KAZN: variants seen among roughly 807,000 people sequenced by gnomAD.
KAZN encodes kazrin, periplakin interacting protein, also known as kazrin.
In KAZN, 40 loss-of-function variants were observed where a neutral mutation model predicts 87.4. That is an observed-to-expected ratio of 0.46 (90% confidence interval 0.36 to 0.60). The LOEUF is 0.60. Ranked by LOEUF, KAZN falls within the 20% of genes least tolerant of loss-of-function variation. The probability of loss-of-function intolerance (pLI) is 0.00; values close to 1 mark genes in which losing one functional copy is unlikely to be tolerated. For missense variants in KAZN, 898 were observed against 1,073.9 expected, an observed-to-expected ratio of 0.84 and a Z score of 2.29; for synonymous variants, 466 against 458.3, an observed-to-expected ratio of 1.02 and a Z score of -0.22.
At chr1:14,774,617 T>G (rs1318924457) in intron 1 of KAZN, among the ~76,000 whole-genome samples, 2 of 152,132 alleles carry the variant, frequency 1.3e-5, no homozygotes, top group African/African-American at 4.8e-5. Flanking sequence ...ACTACAGGCA[T>G]GCATCACCAC....
intron 1 of KAZN, among the ~76,000 whole-genome samples, chr1:14,771,552 G>A (rs749661070): frequency 1.3e-5 from 2 of 152,072 alleles, no homozygotes; most frequent in Non-Finnish European, 2.9e-5. Flanking sequence ...AGGCCTGGGC[G>A]AGGTGGCTTA....
intron 2 of KAZN, among the ~76,000 whole-genome samples, chr1:14,253,198 G>C (rs567651856): frequency 2.0e-5 from 3 of 151,704 alleles, no homozygotes; most frequent in Non-Finnish European, 4.4e-5. Flanking sequence ...GGAAGAAGAG[G>C]AGGACCATGG....
intron 2 of KAZN, among the ~76,000 whole-genome samples, chr1:14,497,689 G>A (rs923544452): frequency 2.6e-5 from 4 of 152,188 alleles, no homozygotes; most frequent in African/African-American, 9.7e-5. Context: ...TGGAGAACCA[G>A]ATTGTCAACA....
intron 2 of KAZN, among the ~76,000 whole-genome samples, chr1:14,353,466 T>G (rs2100949786): frequency 6.6e-6 from 1 of 152,056 alleles, no homozygotes; most frequent in African/African-American, 2.4e-5. Flanking sequence ...TGATCCACCC[T>G]CCTCGGCCTC....
chr1:14,512,411 C>T (rs1008086669), intron 2 of KAZN, among the ~76,000 whole-genome samples: 3 of 152,084 alleles, frequency 2.0e-5, no homozygotes, highest in African/African-American at 7.2e-5. Context: ...CACTCACCGC[C>T]CACTGTGACA....
chr1:14,592,778 A>T (rs957045165), intron 2 of KAZN, among the ~76,000 whole-genome samples: 1 of 152,166 alleles, frequency 6.6e-6, no homozygotes, highest in African/African-American at 2.4e-5. Flanking sequence ...CAGGGTCAAG[A>T]AGTTCATCAC....
intron 2 of KAZN, among the ~76,000 whole-genome samples, chr1:14,474,297 C>T (rs562411723): frequency 2.6e-5 from 4 of 151,744 alleles, no homozygotes; most frequent in East Asian, 1.9e-4. Context: ...TAGGGGTAAA[C>T]GTACTTTAAA....
At chr1:14,934,072 G>A (rs1281977876) in intron 1 of KAZN, among the ~76,000 whole-genome samples, 1 of 151,606 alleles carries the variant, frequency 6.6e-6, no homozygotes. Flanking sequence ...ATCCAGGATG[G>A]TCTCGATCTC....
intron 2 of KAZN, among the ~76,000 whole-genome samples, chr1:15,032,779 T>C (rs1175202483): frequency 6.6e-6 from 1 of 151,806 alleles, no homozygotes; most frequent in Non-Finnish European, 1.5e-5. Flanking sequence ...TGAAACCCCA[T>C]CTCTACTAAA....
chr1:14,924,382 G>C (rs1402203614), intron 1 of KAZN: 1 of 989,044 alleles, frequency 1.0e-6, no homozygotes, highest in Non-Finnish European at 1.2e-6. Flanking sequence ...CGGCCGACTC[G>C]GGCTCGTGGG....
At chr1:14,195,143 A>AT in intron 2 of KAZN, among the ~76,000 whole-genome samples, 1 of 152,256 alleles carries the variant, frequency 6.6e-6, no homozygotes, top group East Asian at 1.9e-4. Context: ...ATTTTTTTAA[A>AT]TTCTATAAGC....
At chr1:14,606,825 A>C (rs150891519) in intron 1 of KAZN, among the ~76,000 whole-genome samples, 1 of 152,136 alleles carries the variant, frequency 6.6e-6, no homozygotes, top group African/African-American at 2.4e-5. Flanking sequence ...TACCCACTAG[A>C]TGACAGTAGA....
At chr1:14,766,654 G>A (rs1644892133) in intron 1 of KAZN, among the ~76,000 whole-genome samples, 3 of 148,304 alleles carry the variant, frequency 2.0e-5, no homozygotes, top group African/African-American at 5.0e-5. Flanking sequence ...CAAAGATGCT[G>A]AGGGCCAGTC....
intron 2 of KAZN, among the ~76,000 whole-genome samples, chr1:14,581,744 C>T (rs916284185): frequency 1.3e-5 from 2 of 152,156 alleles, no homozygotes; most frequent in East Asian, 3.9e-4. Context: ...CAAGTCAGGG[C>T]CTCTCATATC....
chr1:14,079,940 G>A (rs34471172), intron 1 of KAZN, among the ~76,000 whole-genome samples: 11,346 of 151,878 alleles, frequency 0.075, 566 homozygotes, highest in East Asian at 0.12. Context: ...CATTTGCAGG[G>A]GACAGATATC....
At chr1:15,048,542 T>C (rs1673844130) in intron 4 of KAZN, among the ~76,000 whole-genome samples, 2 of 152,288 alleles carry the variant, frequency 1.3e-5, no homozygotes, top group East Asian at 1.9e-4. Context: ...AGAGCCAGCG[T>C]TGATCCTTGG....
intron 1 of KAZN, among the ~76,000 whole-genome samples, chr1:14,910,154 CTG>C (rs1657092072): frequency 6.6e-6 from 1 of 152,204 alleles, no homozygotes; most frequent in South Asian, 2.1e-4. Flanking sequence ...TCTGGGATAT[CTG>C]TGGCCTGTGG....
intron 2 of KAZN, among the ~76,000 whole-genome samples, chr1:14,520,941 T>C (rs1252107047): frequency 6.6e-6 from 1 of 152,160 alleles, no homozygotes; most frequent in Non-Finnish European, 1.5e-5. Flanking sequence ...CCCTAAGGCA[T>C]TGTTCTATTG....
rs531817788 is a variant in KAZN, at chr1:15,094,010, A to C, written c.1223-170A>C. ...TTTCTTTTCATAGATTACTTTTGTAATGGGGGCAAGGGCAGAAAAACAAAA... is the reference window on the plus strand; with the variant it reads ...TTTCTTTTCATAGATTACTTTTGTACTGGGGGCAAGGGCAGAAAAACAAAA... On this transcript the variant is annotated intron_variant, in intron 8 of 14. Transcript: ENST00000376030. The surrounding 1 kb of genome is among the most constrained non-coding windows in gnomAD (Gnocchi z 4.5). Among the ~76,000 whole-genome samples, 1 of 152,176 alleles carries C rather than the reference A, an allele frequency of 6.6e-6. No individual in the cohort carries two copies. Among genetic ancestry groups the C allele is most frequent in the East Asian group, 1.9e-4 (1 of 5,154 alleles).
Sources: allele counts gnomAD v4.1 joint callset (sites outside exome capture counted in the v4.1 genomes callset), GRCh38; gene constraint gnomAD v4.1.1; non-coding constraint Gnocchi (gnomAD v3.1); transcripts MANE v1.5; gene names NCBI Gene and HGNC (gene_info 2026-07-23, HGNC 2026-07-21).